The following PCDH7 variants were observed in gnomAD, a reference collection of about 807,000 sequenced individuals.
The protein encoded by PCDH7 is protocadherin-7.
A neutral mutation model predicts 58.9 loss-of-function variants in PCDH7; 17 were observed. The ratio of observed to expected loss-of-function variants is 0.29; its 90% CI spans 0.20 to 0.43. The LOEUF is 0.43. Ranked by LOEUF, PCDH7 falls within the 20% of genes least tolerant of loss-of-function variation. The pLI is 1.00. For missense variants in PCDH7, 1,274 were observed against 1,441.0 expected, an observed-to-expected ratio of 0.88 and a Z score of 1.88; for synonymous variants, 664 against 616.4, an observed-to-expected ratio of 1.08 and a Z score of -1.14.
chr4:30,807,167 A>T (rs1448928115), intron 1 of PCDH7, among the ~76,000 whole-genome samples: 1 of 152,220 alleles, frequency 6.6e-6, no homozygotes, highest in African/African-American at 2.4e-5. Context: ...GCTCTGAAAG[A>T]ATTACCAAAA....
intron 1 of PCDH7, among the ~76,000 whole-genome samples, chr4:30,825,065 C>A (rs1728930332): frequency 6.6e-6 from 1 of 152,042 alleles, no homozygotes; most frequent in African/African-American, 2.4e-5. Context: ...ATGAGGACAA[C>A]CCATACCATT....
intron 3 of PCDH7, among the ~76,000 whole-genome samples, chr4:30,982,251 G>A (rs534138484): frequency 6.6e-6 from 1 of 152,130 alleles, no homozygotes; most frequent in Non-Finnish European, 1.5e-5. Context: ...GTGCCAAGGG[G>A]AGTGTGAAGG....
At chr4:30,919,098 A>G (rs541239009) in intron 1 of PCDH7, among the ~76,000 whole-genome samples, 1 of 152,286 alleles carries the variant, frequency 6.6e-6, no homozygotes, top group African/African-American at 2.4e-5. Context: ...GTAGAAAGAA[A>G]CAGTCTGAGT....
At chr4:31,061,476 A>G (rs1214758291) in intron 3 of PCDH7, among the ~76,000 whole-genome samples, 1 of 151,520 alleles carries the variant, frequency 6.6e-6, no homozygotes, top group Non-Finnish European at 1.5e-5. Flanking sequence ...TTTGTCCCTA[A>G]GACTATTACT....
At chr4:31,079,723 G>A (rs1008346111) in intron 3 of PCDH7, among the ~76,000 whole-genome samples, 4 of 151,940 alleles carry the variant, frequency 2.6e-5, no homozygotes, top group African/African-American at 9.7e-5. Context: ...TCTCATGCAT[G>A]AGCACATTGA....
At chr4:30,760,424 A>G (rs984532800) in intron 1 of PCDH7, among the ~76,000 whole-genome samples, 9 of 152,228 alleles carry the variant, frequency 5.9e-5, no homozygotes, top group Non-Finnish European at 1.0e-4. Flanking sequence ...TACTGATGAC[A>G]TGATCCTATA....
intron 3 of PCDH7, among the ~76,000 whole-genome samples, chr4:31,003,149 T>C (rs562890504): frequency 6.6e-6 from 1 of 152,322 alleles, no homozygotes; most frequent in South Asian, 2.1e-4. Flanking sequence ...TTTAAGCCTC[T>C]TGATCACCTC....
intron 2 of PCDH7, among the ~76,000 whole-genome samples, chr4:30,949,180 C>T (rs1046463656): frequency 6.6e-6 from 1 of 152,026 alleles, no homozygotes; most frequent in Non-Finnish European, 1.5e-5. Context: ...TACTTTTCTT[C>T]ATAAAATACA....
intron 1 of PCDH7, among the ~76,000 whole-genome samples, chr4:30,852,825 A>G (rs931893306): frequency 9.3e-5 from 12 of 129,254 alleles, no homozygotes; most frequent in Non-Finnish European, 1.7e-4. Flanking sequence ...TCTATCAAGC[A>G]CAGGAAAAAA....
At position 30,763,995 on chromosome 4, in the gene PCDH7, C is replaced by T. The variant is rs563702486; in HGVS notation, c.70+39399C>T. 3.7e-3 allele frequency among the ~76,000 whole-genome samples: 563 copies of T among 152,224 alleles called. 2 individuals carry two copies. The highest frequency in any genetic ancestry group is 0.013 in the African/African-American group (536 of 41,532). ...ATTCACTGATGTCTAAATCCTCACT[C>T]GGAGCTTGTTTCTTTTCATTTAATC... On this transcript the variant is annotated intron_variant, in intron 1 of 3. Transcript: ENST00000509759.
At chr4:30,905,551 A>G (rs1221182177) in intron 1 of PCDH7, among the ~76,000 whole-genome samples, 1 of 152,186 alleles carries the variant, frequency 6.6e-6, no homozygotes, top group African/African-American at 2.4e-5. Flanking sequence ...ACTTTGCCCA[A>G]CTGGGTTTAA....
chr4:30,962,032 C>T (rs531675337), intron 3 of PCDH7, among the ~76,000 whole-genome samples: 3 of 152,258 alleles, frequency 2.0e-5, no homozygotes, highest in Admixed American at 6.5e-5. Flanking sequence ...CCTTAGTCAA[C>T]ACTTAAATTT....
At chr4:30,950,229 C>T (rs1747214728) in intron 3 of PCDH7, 1 of 152,592 alleles carries the variant, frequency 6.6e-6, no homozygotes, top group Non-Finnish European at 1.5e-5. Flanking sequence ...TGGTGGTTCT[C>T]ATGAAACAGT....
chr4:30,816,353 T>C (rs1336150977), intron 1 of PCDH7, among the ~76,000 whole-genome samples: 3 of 152,214 alleles, frequency 2.0e-5, no homozygotes, highest in Admixed American at 1.3e-4. Flanking sequence ...CCTGCAGTGA[T>C]TGACTTTGTA....
At chr4:31,114,887 A>G (rs1244524813) in intron 3 of PCDH7, among the ~76,000 whole-genome samples, 2 of 152,224 alleles carry the variant, frequency 1.3e-5, no homozygotes, top group African/African-American at 4.8e-5. Context: ...TTTACAGTCC[A>G]CAAAGCTATC....
chr4:31,026,543 A>C (rs1485147716), intron 3 of PCDH7, among the ~76,000 whole-genome samples: 1 of 152,210 alleles, frequency 6.6e-6, no homozygotes, highest in Non-Finnish European at 1.5e-5. Context: ...ATTTTTATGT[A>C]TTCCCTTTAA....
At chr4:31,145,855 T>G (rs1430051917), downstream of PCDH7, 1 of 152,106 alleles carries the variant, frequency 6.6e-6, no homozygotes, top group South Asian at 2.1e-4. Context: ...TATTCTTTAT[T>G]TCTTTTTTGT....
chr4:31,043,919 C>T (rs547832097), intron 3 of PCDH7, among the ~76,000 whole-genome samples: 1 of 152,180 alleles, frequency 6.6e-6, no homozygotes, highest in East Asian at 1.9e-4. Context: ...AAGGCATAGG[C>T]TAAAGTGTAA....
At chr4:30,986,978 T>C (rs1275889564) in intron 3 of PCDH7, among the ~76,000 whole-genome samples, 1 of 142,730 alleles carries the variant, frequency 7.0e-6, no homozygotes, top group Non-Finnish European at 1.6e-5. Context: ...AGATTCCGTC[T>C]CAAAAAAAAA....
Sources: allele counts gnomAD v4.1 joint callset (sites outside exome capture counted in the v4.1 genomes callset), GRCh38; gene constraint gnomAD v4.1.1; transcripts MANE v1.5; gene names NCBI Gene and HGNC (gene_info 2026-07-23, HGNC 2026-07-21).